Variants in DGKI observed in about 807,000 individuals in gnomAD.
The protein encoded by DGKI is diacylglycerol kinase iota.
In DGKI, 55 loss-of-function variants were observed where a neutral mutation model predicts 147.5. The ratio of observed to expected loss-of-function variants is 0.37; its 90% CI spans 0.30 to 0.47. The LOEUF (loss-of-function observed/expected upper bound fraction) is 0.47. DGKI is among the 20% of genes least tolerant of loss of function. The pLI, the probability that DGKI is intolerant of heterozygous loss-of-function variation, is 1.00. For missense variants in DGKI, 1,007 were observed against 1,323.8 expected (o/e 0.76, Z 3.71); for synonymous variants, 469 against 477.1 (o/e 0.98, Z 0.22).
At position 137,640,825 on chromosome 7, in the gene DGKI, A is replaced by C. The variant is rs1240021178; in HGVS notation, c.804+4647T>G. 3.9e-5 allele frequency among the ~76,000 whole-genome samples: 6 copies of C among 152,250 alleles called. No individual in the cohort carries two copies. The East Asian group carries it at 9.6e-4, about 24-fold the overall frequency. On this transcript the variant is annotated intron_variant, in intron 6 of 32. Transcript: ENST00000614521. ...AGTTAGTTTTTAACAATATTTACTA[A>C]AAATAAAGAGTAGTTTTGATGTTTT...
In DGKI at chr7:137,463,496, C is replaced by G. The variant is rs753942158; in HGVS notation, c.2728G>C (p.Val910Leu). Residue 910 changes from valine to leucine, a missense_variant, in exon 27 of 33, where the codon GTG (valine) becomes CTG (leucine). By Grantham distance (32) the Val-to-Leu change is conservative (BLOSUM62 1). This residue lies in a region of DGKI where 385 missense variants were observed against 445.2 expected (regional missense o/e 0.86). Transcript: ENST00000614521. ...CAGCAAGAGAACTCTTACTGTAGCA[C>G]GCGGGAGTGGCTGAGATCTTTCAGA... ...SDLKDLSHSR[V>L]LQSPVSSEDH... 4.3e-6 allele frequency: 7 copies of G among 1,613,838 alleles called. No individual in the cohort carries two copies. The highest frequency in any genetic ancestry group is 1.7e-5 in the Admixed American group (1 of 60,006).
chr7:137,745,521 T>A (rs1795298963), intron 1 of DGKI, among the ~76,000 whole-genome samples: 1 of 152,364 alleles, frequency 6.6e-6, no homozygotes, highest in Middle Eastern at 3.4e-3. Context: ...TGCTCCATTC[T>A]GCTCAGGCAG....
rs776815013 is a variant in DGKI at position 137,597,892 on chromosome 7, C to T, written c.1266G>A (p.Arg422=). The change falls in exon 12 of 33, where the codon AGG becomes AGA. Residue 422 remains arginine, a synonymous_variant. Transcript: ENST00000614521. The part of the protein sequence containing the change: ...EGPKDALELY[R]KVPNLRILAC... ...CCAGAATTCGCAGATTTGGTACTTT[C>T]CTATACAATTCAAGCCTGTAGAGGA... is the stretch of plus-strand genomic sequence containing the variant. 1.9e-6 allele frequency: 3 copies of T among 1,613,758 alleles called. No homozygotes were observed. Among genetic ancestry groups the T allele is most frequent in the Non-Finnish European group, 2.5e-6 (3 of 1,179,860 alleles).
intron 30 of DGKI, among the ~76,000 whole-genome samples, 183 bp from the exon 31 acceptor site, chr7:137,397,596 G>A (rs540912123): frequency 2.0e-5 from 3 of 152,304 alleles, no homozygotes; most frequent in Non-Finnish European, 2.9e-5. Flanking sequence ...CAATCTCCAT[G>A]AACCAATATG....
chr7:137,576,043 C>CTTTCTT (rs1479262681), intron 17 of DGKI, among the ~76,000 whole-genome samples: 1 of 135,064 alleles, frequency 7.4e-6, no homozygotes, highest in African/African-American at 2.8e-5. Context: ...TTTTCTTTTT[C>CTTTCTT]TTTTTTTTTT....
At chr7:137,643,159 C>T (rs1821701024) in intron 6 of DGKI, among the ~76,000 whole-genome samples, 3 of 151,396 alleles carry the variant, frequency 2.0e-5, no homozygotes, top group Admixed American at 6.6e-5. Flanking sequence ...GGCGTGTTGG[C>T]GGGCGCCTGT....
chr7:137,586,406 G>A (rs74760720), intron 13 of DGKI, among the ~76,000 whole-genome samples: 2,334 of 151,550 alleles, frequency 0.015, 27 homozygotes, highest in Admixed American at 0.03. Context: ...TTAGCCTGGC[G>A]ACACAACAAG....
chr7:137,750,789 G>A (rs1795470410), intron 1 of DGKI, among the ~76,000 whole-genome samples: 1 of 152,140 alleles, frequency 6.6e-6, no homozygotes, highest in African/African-American at 2.4e-5. Flanking sequence ...GAAGATAAAG[G>A]AAAGGAATAG....
intron 28 of DGKI, among the ~76,000 whole-genome samples, chr7:137,421,855 C>T (rs1009759288): frequency 6.6e-6 from 1 of 152,172 alleles, no homozygotes; most frequent in African/African-American, 2.4e-5. Context: ...ATTCAGCCGG[C>T]TATCATTTCA....
chr7:137,462,488 T>G (rs1814484521), intron 27 of DGKI, among the ~76,000 whole-genome samples: 1 of 152,208 alleles, frequency 6.6e-6, no homozygotes, highest in Non-Finnish European at 1.5e-5. Context: ...CCTGAGGGTG[T>G]GTGCCTCGAA....
chr7:137,637,774 A>C (rs1821364878), intron 6 of DGKI, among the ~76,000 whole-genome samples: 2 of 152,230 alleles, frequency 1.3e-5, no homozygotes, highest in African/African-American at 4.8e-5. Flanking sequence ...TAAAGAATAC[A>C]TAACATGCTT....
intron 21 of DGKI, among the ~76,000 whole-genome samples, chr7:137,503,503 T>C (rs956169414): frequency 2.0e-5 from 3 of 152,162 alleles, no homozygotes; most frequent in Non-Finnish European, 4.4e-5. Context: ...TTCAAAGGTG[T>C]TTCCCAAGGA....
At chr7:137,630,167 A>T (rs1322401781) in intron 6 of DGKI, among the ~76,000 whole-genome samples, 2 of 152,152 alleles carry the variant, frequency 1.3e-5, no homozygotes, top group Admixed American at 6.5e-5. Context: ...CTTGGATTTA[A>T]TTACAATATC....
At chr7:137,458,412 G>C (rs1814289295) in intron 27 of DGKI, among the ~76,000 whole-genome samples, 1 of 152,146 alleles carries the variant, frequency 6.6e-6, no homozygotes, top group South Asian at 2.1e-4. Context: ...TATTATTTGT[G>C]TGACAGTCCA....
chr7:137,449,006 T>C (rs1813842910), intron 27 of DGKI, among the ~76,000 whole-genome samples: 1 of 152,160 alleles, frequency 6.6e-6, no homozygotes, highest in Non-Finnish European at 1.5e-5. Flanking sequence ...TACAAATAAA[T>C]GGAAAGACAT....
At chr7:137,510,952 G>A (rs541902272) in intron 21 of DGKI, among the ~76,000 whole-genome samples, 1 of 152,300 alleles carries the variant, frequency 6.6e-6, no homozygotes, top group African/African-American at 2.4e-5. Flanking sequence ...CTCTAATTCT[G>A]CTTACAGATG....
rs193237351 is a variant in DGKI, at chr7:137,663,028, G to A, written c.607-6488C>T. 3.3e-5 allele frequency among the ~76,000 whole-genome samples: 5 copies of A among 152,320 alleles called. No homozygotes were observed. The East Asian group carries it at 9.6e-4, about 29-fold the overall frequency. On this transcript the variant is annotated intron_variant, in intron 3 of 32. Transcript: ENST00000614521. ...ATACTCCTGAATCTGTAGATGCTGG[G>A]TATCTGGAATCATGATGGTTTGAGT...
At chr7:137,839,399 T>C (rs1362500240) in intron 1 of DGKI, among the ~76,000 whole-genome samples, 1 of 152,258 alleles carries the variant, frequency 6.6e-6, no homozygotes, top group Non-Finnish European at 1.5e-5. Flanking sequence ...CATTTGATGA[T>C]GTTCTGTATT....
chr7:137,606,238 G>A (rs1392516436), intron 10 of DGKI, among the ~76,000 whole-genome samples: 1 of 151,666 alleles, frequency 6.6e-6, no homozygotes, highest in Non-Finnish European at 1.5e-5. Context: ...AAGAGAAAAA[G>A]CTATTTTTCT....
Sources: allele counts gnomAD v4.1 joint callset (sites outside exome capture counted in the v4.1 genomes callset), GRCh38; gene constraint gnomAD v4.1.1; regional missense constraint gnomAD v4.1.1; transcripts MANE v1.5; gene names NCBI Gene and HGNC (gene_info 2026-07-23, HGNC 2026-07-21).